KANK1: variants seen among roughly 807,000 people sequenced by gnomAD.
KANK1 encodes the protein KN motif and ankyrin repeat domains 1, also known as KN motif and ankyrin repeat domain-containing protein 1.
KANK1 carries 109 observed loss-of-function variants against 106.2 expected under a neutral mutation model. That is an observed-to-expected ratio of 1.03 (90% CI 0.88 to 1.20). The LOEUF is 1.20. KANK1 is among the 50% of genes most tolerant of loss of function. The pLI is 0.00. For missense variants in KANK1, 2,399 were observed against 1,710.7 expected (o/e 1.40, Z -7.10); for synonymous variants, 873 against 652.2 (o/e 1.34, Z -5.16).
chr9:570,402 A>G (rs1419527566), intron 1 of KANK1, among the ~76,000 whole-genome samples: 2 of 152,210 alleles, frequency 1.3e-5, no homozygotes, highest in Non-Finnish European at 2.9e-5. Context: ...ACTGTTGTCC[A>G]GTGGGCCCAG....
intron 1 of KANK1, among the ~76,000 whole-genome samples, chr9:636,349 G>C (rs1024705908): frequency 6.6e-6 from 1 of 152,186 alleles, no homozygotes; most frequent in Admixed American, 6.5e-5. Context: ...TAGCACTGCT[G>C]ATCATGCAGG....
chr9:696,764 G>T (rs138848095), intron 2 of KANK1, among the ~76,000 whole-genome samples: 1 of 152,034 alleles, frequency 6.6e-6, no homozygotes, highest in African/African-American at 2.4e-5. Context: ...AGTTGTAGAC[G>T]TTTCCAGGAA....
At chr9:524,887 G>A (rs1421198426) in intron 1 of KANK1, among the ~76,000 whole-genome samples, 1 of 150,464 alleles carries the variant, frequency 6.6e-6, no homozygotes, top group African/African-American at 2.5e-5. Flanking sequence ...GCTTCTGTTT[G>A]ATTGAATTTC....
At chr9:694,955 G>T (rs931849539) in intron 2 of KANK1, among the ~76,000 whole-genome samples, 1 of 152,066 alleles carries the variant, frequency 6.6e-6, no homozygotes, top group South Asian at 2.1e-4. Flanking sequence ...AAGAAATTTT[G>T]TATCAAGTCT....
At chr9:559,003 T>G (rs1021433878) in intron 1 of KANK1, 1 of 152,314 alleles carries the variant, frequency 6.6e-6, no homozygotes, top group East Asian at 1.9e-4. Context: ...GGGTTATAAA[T>G]AAGTTTTAGT....
intron 2 of KANK1, among the ~76,000 whole-genome samples, chr9:700,414 G>A (rs1262643249): frequency 2.0e-5 from 3 of 152,214 alleles, no homozygotes; most frequent in Non-Finnish European, 2.9e-5. Flanking sequence ...GAAGGACGCT[G>A]TTGTACTTCG....
At chr9:704,047 G>A (rs1221385412) in intron 2 of KANK1, among the ~76,000 whole-genome samples, 2 of 152,086 alleles carry the variant, frequency 1.3e-5, no homozygotes, top group African/African-American at 4.8e-5. Context: ...TCTTGATCCT[G>A]AATTAATAAT....
At chr9:527,576 C>T (rs1563718922) in intron 1 of KANK1, among the ~76,000 whole-genome samples, 1 of 151,712 alleles carries the variant, frequency 6.6e-6, no homozygotes, top group Non-Finnish European at 1.5e-5. Context: ...GCTGGAATTA[C>T]AGGTGTAAGC....
rs529585544 is a variant in KANK1, at chr9:697,445, T to A, written c.38-13359T>A. On this transcript the variant is annotated intron_variant, in intron 2 of 11. Transcript: ENST00000382297. Reference sequence around the variant, plus strand: ...GCTTTATTCTTTAAAATGGAGCTCCTGGCACATGACTTTGCAAGGATAGTA... The same window carrying A: ...GCTTTATTCTTTAAAATGGAGCTCCAGGCACATGACTTTGCAAGGATAGTA... Among the ~76,000 whole-genome samples the A allele has an allele frequency of 1.7e-3, 256 of 152,286 alleles. 1 individual carries two copies. Among genetic ancestry groups the A allele is most frequent in the African/African-American group, 5.8e-3 (242 of 41,530 alleles).
intron 1 of KANK1, among the ~76,000 whole-genome samples, chr9:564,133 C>T (rs1346996063): frequency 6.6e-6 from 1 of 151,234 alleles, no homozygotes; most frequent in Non-Finnish European, 1.5e-5. Context: ...AATCTCGGCT[C>T]ACTGCAAGCT....
intron 1 of KANK1, among the ~76,000 whole-genome samples, chr9:529,097 C>T (rs934900413): frequency 3.3e-5 from 5 of 152,054 alleles, no homozygotes. Context: ...CTGTGCCTGG[C>T]CCATGGCTCA....
At chr9:696,370 T>C (rs1322187687) in intron 2 of KANK1, among the ~76,000 whole-genome samples, 1 of 152,022 alleles carries the variant, frequency 6.6e-6, no homozygotes, top group Non-Finnish European at 1.5e-5. Flanking sequence ...TTGCTAACTG[T>C]AACACAGTTC....
chr9:732,799 G>A lies in KANK1; in HGVS notation c.3245+182G>A, dbSNP rs887313492. ...GTATTACAACTCTTAGATCTCTTAT[G>A]GTAGAATGGCCTGGTACCTAATCAC... is the stretch of plus-strand genomic sequence containing the variant. On this transcript the variant is annotated intron_variant, in intron 6 of 11. Coordinates refer to ENST00000382297, the MANE Select transcript of KANK1 (RefSeq NM_015158.5). 7 of 588,334 alleles carry A rather than the reference G, an allele frequency of 1.2e-5. No homozygotes were observed. In the African/African-American group the frequency reaches 1.3e-4, roughly 11 times the overall value. The allele number at this position is 588,334 out of a possible 1,614,324, so 36.4% of individuals were successfully genotyped here. A position where few individuals can be genotyped will look rare whatever the true frequency, so the allele number is the denominator to read the frequency against.
At chr9:735,722 A>T (rs1833614421) in intron 7 of KANK1, 1 of 441,638 alleles carries the variant, frequency 2.3e-6, no homozygotes, top group African/African-American at 2.0e-5. Flanking sequence ...GGCCAGGTGC[A>T]GTGGCTGACA....
In KANK1 at chr9:712,003, G is replaced by T; in HGVS notation, c.1237G>T (p.Val413Phe). 6.2e-7 allele frequency: 1 copy of T among 1,614,174 alleles called. No homozygotes were observed. The highest frequency in any genetic ancestry group is 8.5e-7 in the Non-Finnish European group (1 of 1,180,034). ...VGAEENMNDI[V>F]VYHRGSRSCK... is the part of the protein sequence containing the mutation. The stretch of plus-strand genomic sequence containing the variant: ...TGCCGAGGAGAACATGAACGACATC[G>T]TCGTGTACCACAGAGGCTCCAGGTC... The change falls in exon 3 of 12, where the codon GTC becomes TTC. Residue 413 changes from valine (V) to phenylalanine (F), a missense_variant. By Grantham distance (50) the Val-to-Phe change is conservative. Coordinates refer to ENST00000382297, the MANE Select transcript of KANK1 (RefSeq NM_015158.5).
chr9:517,141 G>A (rs1244083943), intron 1 of KANK1, among the ~76,000 whole-genome samples: 3 of 151,742 alleles, frequency 2.0e-5, no homozygotes, highest in Non-Finnish European at 2.9e-5. Context: ...ACGGAGTCTC[G>A]CTCTGTCACC....
chr9:521,224 A>G (rs2059534219), intron 1 of KANK1, among the ~76,000 whole-genome samples: 1 of 151,740 alleles, frequency 6.6e-6, no homozygotes, highest in African/African-American at 2.4e-5. Flanking sequence ...TTCACCATCT[A>G]CATGTTGAGA....
intron 2 of KANK1, among the ~76,000 whole-genome samples, chr9:709,736 C>T (rs1825413191): frequency 3.9e-5 from 6 of 151,906 alleles, no homozygotes; most frequent in Admixed American, 3.9e-4. Context: ...CTGCCTCAGC[C>T]TCCCAAGTAA....
At chr9:518,457 C>T (rs1473648433) in intron 1 of KANK1, among the ~76,000 whole-genome samples, 2 of 151,666 alleles carry the variant, frequency 1.3e-5, no homozygotes, top group African/African-American at 2.4e-5. Context: ...TACTTTTCGG[C>T]CAGACACTTC....
Sources: allele counts gnomAD v4.1 joint callset (sites outside exome capture counted in the v4.1 genomes callset), GRCh38; gene constraint gnomAD v4.1.1; transcripts MANE v1.5; gene names NCBI Gene and HGNC (gene_info 2026-07-23, HGNC 2026-07-21).